The following CFAP46 variants were observed in gnomAD, a reference collection of about 807,000 sequenced individuals.
The protein encoded by CFAP46 is cilia and flagella associated protein 46, also known as cilia- and flagella-associated protein 46.
CFAP46 carries 245 observed loss-of-function variants against 325.7 expected under a neutral mutation model. The observed-to-expected ratio is 0.75, with a 90% CI of 0.68 to 0.84. The LOEUF is 0.84. Among genes scored for constraint, CFAP46 ranks in the 40% least tolerant of loss-of-function variants. The probability of loss-of-function intolerance (pLI) is 0.00; values close to 1 mark genes in which losing one functional copy is unlikely to be tolerated. For synonymous variants in CFAP46, 1,523 were observed against 1,495.9 expected (o/e 1.02, Z -0.42); for missense variants, 3,346 against 3,543.0 (o/e 0.94, Z 1.41).
intron 8 of CFAP46, among the ~76,000 whole-genome samples, chr10:132,933,454 G>A (rs375272860): frequency 1.3e-5 from 2 of 152,230 alleles, no homozygotes; most frequent in Admixed American, 6.5e-5. Context: ...CCAGGGCCAC[G>A]GCCACGCTTG....
chr10:132,861,217 C>T (rs909999643), intron 35 of CFAP46, among the ~76,000 whole-genome samples: 1 of 152,226 alleles, frequency 6.6e-6, no homozygotes, highest in Non-Finnish European at 1.5e-5. Context: ...CACTGTGGTT[C>T]CTTGAGTGGG....
chr10:132,811,701 C>T (rs1400585720), intron 55 of CFAP46, among the ~76,000 whole-genome samples: 1 of 152,228 alleles, frequency 6.6e-6, no homozygotes, highest in East Asian at 1.9e-4. Context: ...GAGGCCTCTT[C>T]TACTTTACTC....
At chr10:132,937,218 G>A (rs1192327742) in intron 6 of CFAP46, 163 bp from the exon 7 acceptor site, 1 of 515,066 alleles carries the variant, frequency 1.9e-6, no homozygotes, top group South Asian at 3.7e-5. Context: ...ATGAATGAAT[G>A]CTTTTGGTAC....
chr10:132,839,764 G>A lies in CFAP46; in HGVS notation c.6439-2850C>T, dbSNP rs991428280. 6.6e-5 allele frequency among the ~76,000 whole-genome samples: 10 copies of A among 152,294 alleles called. No homozygotes were observed. In the South Asian group the frequency reaches 8.3e-4, roughly 13 times the overall value. On this transcript the variant is annotated intron_variant, in intron 44 of 57. Transcript: ENST00000368586. ...TTTGCACCTGTCAAGGTGATTTTGC[G>A]ATTTGTCTCCTTTTCCTTCTGTTAA... is the stretch of plus-strand genomic sequence containing the variant.
rs1324720110 is a variant in CFAP46, at chr10:132,884,701, T to C, written c.3627+402A>G. 1.3e-5 allele frequency among the ~76,000 whole-genome samples: 2 copies of C among 152,030 alleles called. No individual in the cohort carries two copies. Among genetic ancestry groups the C allele is most frequent in the East Asian group, 3.9e-4 (2 of 5,140 alleles). On this transcript the variant is annotated intron_variant, in intron 27 of 57. Coordinates refer to ENST00000368586, the MANE Select transcript of CFAP46 (RefSeq NM_001200049.3). The surrounding 1 kb of genome is among the most constrained non-coding windows in gnomAD (Gnocchi z 5.4). The stretch of plus-strand genomic sequence containing the variant: ...CCAGAACGCCCACATCCCAGGGCCC[T>C]GCAGAGCCCTGCTCTCCTGTGCAGC...
intron 11 of CFAP46, among the ~76,000 whole-genome samples, chr10:132,924,463 T>C (rs1018348233): frequency 1.3e-5 from 2 of 152,176 alleles, no homozygotes; most frequent in Non-Finnish European, 2.9e-5. Flanking sequence ...GGGACACAGA[T>C]GCCCGTGAGG....
chr10:132,897,750 A>C (rs1301154618), intron 24 of CFAP46, among the ~76,000 whole-genome samples: 2 of 152,198 alleles, frequency 1.3e-5, no homozygotes, highest in Non-Finnish European at 2.9e-5. Context: ...GCTCAGACCC[A>C]GGCTTCCTGG....
chr10:132,923,126 G>T (rs144771954), intron 11 of CFAP46, among the ~76,000 whole-genome samples: 1 of 151,944 alleles, frequency 6.6e-6, no homozygotes, highest in Non-Finnish European at 1.5e-5. Flanking sequence ...CAACCAGCCC[G>T]TGTGGGGGTT....
chr10:132,833,533 A>G lies in CFAP46; in HGVS notation c.6950-8T>C. The G allele has an allele frequency of 3.1e-6, 5 of 1,612,320 alleles. No individual in the cohort carries two copies. The highest frequency in any genetic ancestry group is 4.2e-6 in the Non-Finnish European group (5 of 1,178,684). On this transcript the variant is annotated splice_region_variant and splice_polypyrimidine_tract_variant and intron_variant, in intron 49 of 57. Transcript: ENST00000368586. Reference sequence around the variant, plus strand: ...CCTCAGGCTGGACTGTGCCTGGGAAACAGCAGTGCAGGGAGATCAGCTCCT... The same window carrying G: ...CCTCAGGCTGGACTGTGCCTGGGAAGCAGCAGTGCAGGGAGATCAGCTCCT...
rs1388259380 is a variant in CFAP46, at chr10:132,808,919, G to A, written c.7665-15C>T. ...AGAAGCCTCGTCTGTGGAGAAAGGG[G>A]CGGGAGCTATGAACCCCGAGGCCCC... On this transcript the variant is annotated splice_polypyrimidine_tract_variant and intron_variant, in intron 57 of 57. Transcript: ENST00000368586. This position sits in a 1 kb window ranked among gnomAD's most constrained non-coding sequence, Gnocchi z 6.8. 1.9e-6 allele frequency: 3 copies of A among 1,560,092 alleles called. No individual in the cohort carries two copies. The highest frequency in any genetic ancestry group is 8.7e-7 in the Non-Finnish European group (1 of 1,148,210).
intron 50 of CFAP46, among the ~76,000 whole-genome samples, chr10:132,818,891 A>G (rs1847745609): frequency 6.6e-6 from 1 of 151,972 alleles, no homozygotes; most frequent in Admixed American, 6.6e-5. Context: ...AAGAACAGGC[A>G]CACACATCAG....
intron 54 of CFAP46, 148 bp from the exon 55 acceptor site, chr10:132,813,045 C>G (rs1024062664): frequency 1.6e-6 from 1 of 630,262 alleles, no homozygotes; most frequent in Non-Finnish European, 2.8e-6. Context: ...TCCTAATGCC[C>G]ACGCCTCCCT....
At chr10:132,908,329 T>G (rs1430342210) in intron 22 of CFAP46, 139 bp downstream of exon 22, 2 of 1,030,442 alleles carry the variant, frequency 1.9e-6, no homozygotes, top group African/African-American at 3.2e-5. Context: ...TGATCTGTGA[T>G]CGCGGCCCAG....
chr10:132,921,208 C>T (rs578189110), intron 13 of CFAP46, among the ~76,000 whole-genome samples: 4 of 152,314 alleles, frequency 2.6e-5, no homozygotes, highest in East Asian at 1.9e-4. Context: ...GGGTGAAAGC[C>T]GCCGGCTGCT....
rs1009064552 is a variant in CFAP46, at chr10:132,817,042, G to A, written c.7118-2128C>T. ...TTAAGCCAAGATTGTTAATTATGTC[G>A]CCCTGAATCTCTCTCTTTTTGCTCT... On this transcript the variant is annotated intron_variant, in intron 50 of 57. Transcript: ENST00000368586. The surrounding 1 kb of genome is among the most constrained non-coding windows in gnomAD (Gnocchi z 4.4). Among the ~76,000 whole-genome samples the A allele has an allele frequency of 3.3e-5, 5 of 152,132 alleles. No individual in the cohort carries two copies. The highest frequency in any genetic ancestry group is 1.2e-4 in the African/African-American group (5 of 41,418).
intron 9 of CFAP46, among the ~76,000 whole-genome samples, chr10:132,927,410 C>T (rs2135660799): frequency 6.6e-6 from 1 of 152,244 alleles, no homozygotes; most frequent in East Asian, 1.9e-4. Flanking sequence ...CGCCTCCGTC[C>T]CGGGGAGCAG....
chr10:132,922,397 G>A lies in CFAP46; in HGVS notation c.1485+83C>T, dbSNP rs1028543144. Reference sequence around the variant, plus strand: ...CTTCAGGCAGCCCTGGGCGGCTCCCGCCCTGCTGTGCCCTCAGAGCCCCGC... The same window carrying A: ...CTTCAGGCAGCCCTGGGCGGCTCCCACCCTGCTGTGCCCTCAGAGCCCCGC... On this transcript the variant is annotated intron_variant, in intron 12 of 57. Transcript: ENST00000368586. The A allele has an allele frequency of 1.4e-5, 21 of 1,455,190 alleles. No individual in the cohort carries two copies. The East Asian group carries it at 1.5e-4, about 10-fold the overall frequency. The allele number at this position is 1,455,190 out of a possible 1,614,324, so 90.1% of individuals were successfully genotyped here. A position where few individuals can be genotyped will look rare whatever the true frequency, so the allele number is the denominator to read the frequency against.
chr10:132,867,342 G>A lies in CFAP46; in HGVS notation c.4743+33C>T, dbSNP rs746178849. Reference sequence around the variant, plus strand: ...ACGAGGCACCGGCGCCCGCTGGGCTGCGGGTCAGAGGGATTCTGGACGGTG... The same window carrying A: ...ACGAGGCACCGGCGCCCGCTGGGCTACGGGTCAGAGGGATTCTGGACGGTG... On this transcript the variant is annotated intron_variant, in intron 34 of 57. Coordinates refer to ENST00000368586, the MANE Select transcript of CFAP46 (RefSeq NM_001200049.3). 3.3e-6 allele frequency: 5 copies of A among 1,534,272 alleles called. No individual in the cohort carries two copies. In the African/African-American group the frequency reaches 4.2e-5, roughly 13 times the overall value.
chr10:132,869,093 TC>T lies in CFAP46; in HGVS notation c.4610+180del, dbSNP rs1469401596. 6.6e-6 allele frequency among the ~76,000 whole-genome samples: 1 copy of T among 151,214 alleles called. No homozygotes were observed. The highest frequency in any genetic ancestry group is 6.6e-5 in the Admixed American group (1 of 15,218). On this transcript the variant is annotated intron_variant, in intron 33 of 57. Transcript: ENST00000368586. The surrounding 1 kb of genome is among the most constrained non-coding windows in gnomAD (Gnocchi z 6.2). Reference sequence around the variant, plus strand: ...CCTCCCTCCCTCTGTGAGGAGCACCTCCCCACAACCCACCTCCAGCACGACC... The same window carrying T: ...CCTCCCTCCCTCTGTGAGGAGCACCTCCCACAACCCACCTCCAGCACGACC...
Sources: allele counts gnomAD v4.1 joint callset (sites outside exome capture counted in the v4.1 genomes callset), GRCh38; gene constraint gnomAD v4.1.1; non-coding constraint Gnocchi (gnomAD v3.1); transcripts MANE v1.5; gene names NCBI Gene and HGNC (gene_info 2026-07-23, HGNC 2026-07-21).